XPNPEP3: variants seen among roughly 807,000 people sequenced by gnomAD.
The protein encoded by XPNPEP3 is X-prolyl aminopeptidase 3, also known as xaa-Pro aminopeptidase 3.
In XPNPEP3, 41 loss-of-function variants were observed where a neutral mutation model predicts 60.0. That is an observed-to-expected ratio of 0.68 (90% CI 0.53 to 0.89). The LOEUF is 0.89. XPNPEP3 is among the 40% of genes least tolerant of loss of function. The pLI, the probability that XPNPEP3 is intolerant of heterozygous loss-of-function variation, is 0.00. For missense variants in XPNPEP3, 598 were observed against 638.9 expected (o/e 0.94, Z 0.69); for synonymous variants, 212 against 223.2 (o/e 0.95, Z 0.45).
At chr22:40,918,003 T>C (rs2058202553) in intron 7 of XPNPEP3, among the ~76,000 whole-genome samples, 1 of 131,820 alleles carries the variant, frequency 7.6e-6, no homozygotes, top group African/African-American at 3.3e-5. Flanking sequence ...AGAGTGAGAC[T>C]CTGTCTAAAA....
At chr22:40,867,627 G>A (rs1025777945) in intron 1 of XPNPEP3, among the ~76,000 whole-genome samples, 1 of 152,006 alleles carries the variant, frequency 6.6e-6, no homozygotes, top group African/African-American at 2.4e-5. Context: ...ACCAGTCTTG[G>A]TGGCACATAC....
At chr22:40,877,131 G>A (rs1194749715) in intron 2 of XPNPEP3, among the ~76,000 whole-genome samples, 1 of 152,130 alleles carries the variant, frequency 6.6e-6, no homozygotes, top group African/African-American at 2.4e-5. Context: ...ATATGTATAT[G>A]TAGCCTTTCT....
chr22:40,874,241 A>G (rs2058019085), intron 2 of XPNPEP3, among the ~76,000 whole-genome samples: 1 of 152,188 alleles, frequency 6.6e-6, no homozygotes. Flanking sequence ...CCTGGGTGAC[A>G]GAGTGTTACC....
intron 4 of XPNPEP3, among the ~76,000 whole-genome samples, chr22:40,905,315 C>T (rs1208745676): frequency 1.3e-5 from 2 of 151,856 alleles, no homozygotes; most frequent in Admixed American, 6.6e-5. Context: ...CTCTCCACCT[C>T]GTGAACCACC....
intron 3 of XPNPEP3, among the ~76,000 whole-genome samples, chr22:40,883,412 T>C (rs2058056186): frequency 6.6e-6 from 1 of 152,092 alleles, no homozygotes; most frequent in Admixed American, 6.6e-5. Context: ...GGGATGTAGG[T>C]ATAGTGGCAC....
intron 6 of XPNPEP3, among the ~76,000 whole-genome samples, chr22:40,913,891 T>C (rs1476072082): frequency 6.6e-6 from 1 of 152,106 alleles, no homozygotes; most frequent in African/African-American, 2.4e-5. Flanking sequence ...ACGCCTGTAA[T>C]CCCCGCACTT....
intron 8 of XPNPEP3, among the ~76,000 whole-genome samples, chr22:40,923,394 G>C (rs748216063): frequency 6.6e-6 from 1 of 151,948 alleles, no homozygotes; most frequent in Middle Eastern, 3.4e-3. Context: ...CAGTAAAAAC[G>C]TAAAACCTCA....
At chr22:40,915,116 A>C (rs187951287) in intron 7 of XPNPEP3, among the ~76,000 whole-genome samples, 1 of 138,810 alleles carries the variant, frequency 7.2e-6, no homozygotes, top group Non-Finnish European at 1.5e-5. Flanking sequence ...CAGTGGCATG[A>C]TCTCGGCTCA....
chr22:40,878,474 C>T (rs913382936), intron 2 of XPNPEP3, among the ~76,000 whole-genome samples: 4 of 151,918 alleles, frequency 2.6e-5, no homozygotes, highest in Non-Finnish European at 4.4e-5. Context: ...GAAGTAACTT[C>T]CTGATATGTG....
chr22:40,875,273 G>A (rs576932602), intron 2 of XPNPEP3, among the ~76,000 whole-genome samples: 11 of 152,080 alleles, frequency 7.2e-5, no homozygotes, highest in Non-Finnish European at 1.5e-4. Flanking sequence ...CCTCCCAAGC[G>A]ATCCTCCCAC....
intron 3 of XPNPEP3, among the ~76,000 whole-genome samples, chr22:40,885,370 G>T (rs958953910): frequency 6.6e-6 from 1 of 152,130 alleles, no homozygotes; most frequent in Non-Finnish European, 1.5e-5. Flanking sequence ...CCTTTATATC[G>T]TATATCTTAG....
chr22:40,871,549 G>C (rs2058005887), intron 2 of XPNPEP3, among the ~76,000 whole-genome samples: 1 of 152,062 alleles, frequency 6.6e-6, no homozygotes, highest in Admixed American at 6.6e-5. Flanking sequence ...TACAGAAAAA[G>C]AGAATACAGG....
intron 8 of XPNPEP3, among the ~76,000 whole-genome samples, chr22:40,923,152 G>A (rs1469909089): frequency 6.6e-6 from 1 of 151,588 alleles, no homozygotes; most frequent in Non-Finnish European, 1.5e-5. Context: ...GTTCAACGCT[G>A]CAGTGAGCTA....
At chr22:40,863,053 A>G (rs2057960110) in intron 1 of XPNPEP3, among the ~76,000 whole-genome samples, 1 of 152,218 alleles carries the variant, frequency 6.6e-6, no homozygotes, top group Non-Finnish European at 1.5e-5. Flanking sequence ...TAGTGATCTA[A>G]TATGGTAGCC....
intron 2 of XPNPEP3, among the ~76,000 whole-genome samples, chr22:40,879,401 A>G (rs560486548): frequency 6.6e-6 from 1 of 152,336 alleles, no homozygotes; most frequent in East Asian, 1.9e-4. Flanking sequence ...TAAACTATAT[A>G]TAGGTAAAAC....
At chr22:40,887,963 AAT>A (rs1395618811) in intron 4 of XPNPEP3, among the ~76,000 whole-genome samples, 1 of 152,204 alleles carries the variant, frequency 6.6e-6, no homozygotes, top group Non-Finnish European at 1.5e-5. Context: ...CATAACATAA[AAT>A]ATATCATTTT....
At chr22:40,885,892 G>A (rs1286231667) in intron 3 of XPNPEP3, among the ~76,000 whole-genome samples, 1 of 152,154 alleles carries the variant, frequency 6.6e-6, no homozygotes, top group Non-Finnish European at 1.5e-5. Context: ...TGAGGCAGAA[G>A]AATCGTTTGA....
At position 40,932,475 on chromosome 22, in the gene XPNPEP3, G is replaced by A; in HGVS notation, c.*6040G>A. 1 of 151,994 alleles carries A rather than the reference G, an allele frequency of 6.6e-6. No homozygotes were observed. Among genetic ancestry groups the A allele is most frequent in the Admixed American group, 6.6e-5 (1 of 15,222 alleles). 9.4% of individuals were successfully genotyped at this position (151,994 alleles called of 1,614,324 possible). ...ATGAATGCATCATTAAACCTTAACA[G>A]TAGAGCAGAATTTCACTGTTACAAA... On this transcript the variant is annotated 3_prime_UTR_variant, in exon 10 of 10. Coordinates refer to ENST00000357137, the MANE Select transcript of XPNPEP3 (RefSeq NM_022098.4).
intron 3 of XPNPEP3, among the ~76,000 whole-genome samples, chr22:40,884,760 T>C: frequency 6.7e-6 from 1 of 150,118 alleles, no homozygotes; most frequent in Non-Finnish European, 1.5e-5. Context: ...GTGCAGTGGC[T>C]CACGCCTGTA....
Sources: gnomAD v4.1 joint callset for allele counts (sites outside exome capture counted in the v4.1 genomes callset) on GRCh38, gnomAD v4.1.1 for gene constraint, MANE v1.5 for transcripts, NCBI Gene and HGNC (gene_info 2026-07-23, HGNC 2026-07-21) for gene names.